Variants in BEND6 observed in about 807,000 individuals in gnomAD.
BEND6 encodes the protein BEN domain-containing protein 6.
BEND6 carries 24 observed loss-of-function variants against 31.8 expected under a neutral mutation model. The observed-to-expected ratio is 0.75, with a 90% confidence interval of 0.55 to 1.06. The LOEUF is 1.06. Among genes scored for constraint, BEND6 ranks in the 50% least tolerant of loss-of-function variants. The pLI, the probability that BEND6 is intolerant of heterozygous loss-of-function variation, is 0.00. For missense variants in BEND6, 294 were observed against 327.4 expected, an observed-to-expected ratio of 0.90 and a Z score of 0.79; for synonymous variants, 109 against 114.6, an observed-to-expected ratio of 0.95 and a Z score of 0.31.
At chr6:56,976,109 A>C in intron 1 of BEND6, 1 of 266,692 alleles carries the variant, frequency 3.7e-6, no homozygotes. Flanking sequence ...CCCACATACC[A>C]CCTGGAAACA....
At chr6:56,998,622 A>C (rs1279833411) in intron 3 of BEND6, among the ~76,000 whole-genome samples, 1 of 152,182 alleles carries the variant, frequency 6.6e-6, no homozygotes, top group Non-Finnish European at 1.5e-5. Flanking sequence ...ACTCCAAAAA[A>C]ATCAACTGAA....
chr6:56,968,512 T>C (rs1189347194), intron 1 of BEND6, among the ~76,000 whole-genome samples: 1 of 150,862 alleles, frequency 6.6e-6, no homozygotes, highest in Non-Finnish European at 1.5e-5. Context: ...TTTGTAGAAA[T>C]GGATTCTCAC....
intron 3 of BEND6, among the ~76,000 whole-genome samples, chr6:57,007,061 G>A (rs1448754749): frequency 6.6e-6 from 1 of 152,112 alleles, no homozygotes; most frequent in Non-Finnish European, 1.5e-5. Context: ...GGGCCGAGGT[G>A]GGAAAATCAC....
chr6:56,992,808 T>TA (rs1826558676), intron 3 of BEND6, among the ~76,000 whole-genome samples: 2 of 152,224 alleles, frequency 1.3e-5, no homozygotes, highest in Non-Finnish European at 2.9e-5. Context: ...TAATAGTTTT[T>TA]AAGAGATTAT....
intron 3 of BEND6, chr6:57,010,978 A>G (rs1827323515): frequency 2.7e-6 from 1 of 365,868 alleles, no homozygotes; most frequent in Non-Finnish European, 3.8e-6. Flanking sequence ...AAGCTAATAC[A>G]TTCTGCTTAT....
chr6:57,025,959 C>T (rs921555467), intron 6 of BEND6, 123 bp from the exon 7 acceptor site: 7 of 151,950 alleles, frequency 4.6e-5, no homozygotes, highest in Middle Eastern at 3.2e-3. Context: ...CAGAGTCCCT[C>T]AACAATTTGT....
chr6:56,995,202 A>G lies in BEND6; in HGVS notation c.298+2647A>G, dbSNP rs371250615. On this transcript the variant is annotated intron_variant, in intron 3 of 6. Coordinates refer to ENST00000370746, the MANE Select transcript of BEND6 (RefSeq NM_152731.3). ...TGAATCATTCCCATTAGTATCAAAC[A>G]TACTATTATTTCTCCCATTTAAAAA... Among the ~76,000 whole-genome samples the G allele has an allele frequency of 2.6e-5, 4 of 151,652 alleles. No homozygotes were observed. The East Asian group carries it at 5.8e-4, about 22-fold the overall frequency.
chr6:57,025,269 C>T (rs1432623042), intron 6 of BEND6, among the ~76,000 whole-genome samples: 3 of 152,162 alleles, frequency 2.0e-5, no homozygotes, highest in African/African-American at 4.8e-5. Context: ...GCTATTATTT[C>T]TTGTGGATCT....
intron 1 of BEND6, among the ~76,000 whole-genome samples, chr6:56,979,059 T>C (rs1052671131): frequency 1.3e-5 from 2 of 152,204 alleles, no homozygotes; most frequent in Admixed American, 1.3e-4. Context: ...AGATTTGCAA[T>C]GGATATATTT....
chr6:56,994,993 G>A (rs879772164), intron 3 of BEND6, among the ~76,000 whole-genome samples: 2 of 152,048 alleles, frequency 1.3e-5, no homozygotes, highest in Non-Finnish European at 2.9e-5. Context: ...AGGATAGGAA[G>A]CCACTGCCAT....
intron 3 of BEND6, 86 bp from the exon 4 acceptor site, chr6:57,015,047 A>T: frequency 9.5e-7 from 1 of 1,052,294 alleles, no homozygotes; most frequent in Non-Finnish European, 1.4e-6. Context: ...GCATATTTCT[A>T]TGCACATACA....
chr6:57,024,082 G>T (rs1459594153), intron 6 of BEND6, among the ~76,000 whole-genome samples: 1 of 152,090 alleles, frequency 6.6e-6, no homozygotes, highest in Admixed American at 6.6e-5. Context: ...TTATAAAGGG[G>T]TTTCTTAGGT....
chr6:57,004,142 C>G (rs1827059449), intron 3 of BEND6, among the ~76,000 whole-genome samples: 1 of 152,116 alleles, frequency 6.6e-6, no homozygotes, highest in Non-Finnish European at 1.5e-5. Flanking sequence ...ACTGTCATCA[C>G]TCCTATTCAA....
chr6:57,016,199 G>A (rs193169991), intron 4 of BEND6, among the ~76,000 whole-genome samples: 19 of 152,224 alleles, frequency 1.2e-4, no homozygotes, highest in South Asian at 6.2e-4. Flanking sequence ...AAAAAGACAG[G>A]AGTTTTGTTA....
At chr6:56,986,546 T>C (rs1051643954) in intron 2 of BEND6, among the ~76,000 whole-genome samples, 3 of 152,238 alleles carry the variant, frequency 2.0e-5, no homozygotes, top group Non-Finnish European at 4.4e-5. Flanking sequence ...TGATCTCATC[T>C]GGCTTTCAAG....
chr6:57,016,091 A>G (rs1318033509), intron 4 of BEND6, among the ~76,000 whole-genome samples: 1 of 152,220 alleles, frequency 6.6e-6, no homozygotes, highest in Non-Finnish European at 1.5e-5. Flanking sequence ...ATTCAGGGTT[A>G]TACAATTTTA....
At position 57,015,243 on chromosome 6, in the gene BEND6, A is replaced by C. The variant is rs953466837; in HGVS notation, c.409A>C (p.Asn137His). The change falls in exon 4 of 7, where the codon AAC (asparagine) becomes CAC (histidine). Residue 137 changes from asparagine (N) to histidine (H), a missense_variant. Physicochemically the swap from Asn to His is moderately conservative, Grantham distance 68. Coordinates refer to ENST00000370746, the MANE Select transcript of BEND6 (RefSeq NM_152731.3). ...TSASTLWRAT[N>H]NSSPDSFAST... ...TGCATCCACCCTCTGGAGAGCAACAAACAACTCCTCGCCAGATTCATTTGC... is the reference window on the plus strand; with the variant it reads ...TGCATCCACCCTCTGGAGAGCAACACACAACTCCTCGCCAGATTCATTTGC... The C allele has an allele frequency of 3.7e-6, 6 of 1,614,046 alleles. No individual in the cohort carries two copies. In the African/African-American group the frequency reaches 6.7e-5, roughly 18 times the overall value.
intron 4 of BEND6, among the ~76,000 whole-genome samples, chr6:57,016,504 T>C (rs1177345449): frequency 6.6e-6 from 1 of 152,184 alleles, no homozygotes; most frequent in Non-Finnish European, 1.5e-5. Flanking sequence ...TTCATTTTCT[T>C]GTGGTTGTAA....
chr6:57,025,613 C>T (rs1345167199), intron 6 of BEND6, among the ~76,000 whole-genome samples: 2 of 152,226 alleles, frequency 1.3e-5, no homozygotes, highest in Non-Finnish European at 1.5e-5. Flanking sequence ...AACAGGCACT[C>T]TGATTTGGTG....
Sources: allele counts gnomAD v4.1 joint callset (sites outside exome capture counted in the v4.1 genomes callset), GRCh38; gene constraint gnomAD v4.1.1; transcripts MANE v1.5; gene names NCBI Gene and HGNC (gene_info 2026-07-23, HGNC 2026-07-21).